The following TTC3 variants were observed in gnomAD, a reference collection of about 807,000 sequenced individuals.
TTC3 encodes E3 ubiquitin-protein ligase TTC3.
A neutral mutation model predicts 249.6 loss-of-function variants in TTC3; 180 were observed. The observed-to-expected ratio is 0.72, with a 90% CI of 0.64 to 0.82. TTC3 has a LOEUF of 0.82. Among genes scored for constraint, TTC3 ranks in the 40% least tolerant of loss-of-function variants. The pLI is 0.00. For missense variants in TTC3, 2,061 were observed against 2,398.4 expected (o/e 0.86, Z 2.94); for synonymous variants, 717 against 805.0 (o/e 0.89, Z 1.85).
intron 1 of TTC3, 67 bp downstream of exon 1, chr21:37,073,540 T>TG (rs34515202): frequency 1 from 978,218 of 978,230 alleles, 489,103 homozygotes; most frequent in Middle Eastern, 1. Flanking sequence ...CTGCATGGGT[T>TG]GGGTCCCGCG....
At chr21:37,105,264 T>G (rs1367419865) in intron 10 of TTC3, among the ~76,000 whole-genome samples, 1 of 152,166 alleles carries the variant, frequency 6.6e-6, no homozygotes, top group Admixed American at 6.5e-5. Flanking sequence ...AGGCAGCTTT[T>G]AAAGGTGTTT....
intron 35 of TTC3, among the ~76,000 whole-genome samples, chr21:37,179,697 G>T (rs1264762135): frequency 1.3e-5 from 2 of 151,796 alleles, no homozygotes; most frequent in South Asian, 4.2e-4. Context: ...TTTGAATGGG[G>T]GTCTCATTGT....
intron 1 of TTC3, among the ~76,000 whole-genome samples, chr21:37,079,146 A>G (rs2071274166): frequency 6.6e-6 from 1 of 152,070 alleles, no homozygotes; most frequent in Admixed American, 6.5e-5. Context: ...TTATATTTTT[A>G]TGAACTACTA....
chr21:37,130,800 C>CT (rs55746303), intron 16 of TTC3, among the ~76,000 whole-genome samples: 6 of 151,416 alleles, frequency 4.0e-5, no homozygotes, highest in African/African-American at 1.5e-4. Flanking sequence ...TCTTTTTCTT[C>CT]TTCCTTTGAG....
At chr21:37,203,061 A>G (rs1432093183) in exon 46 of TTC3, 1 of 152,198 alleles carries the variant, frequency 6.6e-6, no homozygotes, top group African/African-American at 2.4e-5. Flanking sequence ...AACATGCCTT[A>G]TATTTGTCCA....
chr21:37,198,537 G>T (rs548070698), intron 44 of TTC3, among the ~76,000 whole-genome samples: 2 of 152,286 alleles, frequency 1.3e-5, no homozygotes, highest in East Asian at 3.9e-4. Context: ...TAGTAACGAA[G>T]ATATAAAAGC....
At chr21:37,192,783 A>G (rs2084342043) in intron 41 of TTC3, among the ~76,000 whole-genome samples, 1 of 152,224 alleles carries the variant, frequency 6.6e-6, no homozygotes, top group Non-Finnish European at 1.5e-5. Flanking sequence ...GTATTTGCCG[A>G]ATCTTGTTAA....
intron 25 of TTC3, 134 bp downstream of exon 25, chr21:37,151,018 A>G (rs992996860): frequency 3.6e-6 from 2 of 551,966 alleles, no homozygotes; most frequent in African/African-American, 4.0e-5. Flanking sequence ...GTTTTTTAAA[A>G]TGATTTTTAT....
chr21:37,100,516 C>CAAACA (rs10665698), intron 10 of TTC3, among the ~76,000 whole-genome samples: 68,750 of 151,518 alleles, frequency 0.45, 16,056 homozygotes, highest in Non-Finnish European at 0.52. Context: ...ATGCTTCCTT[C>CAAACA]TGGTGGCAGT....
intron 11 of TTC3, among the ~76,000 whole-genome samples, chr21:37,111,145 A>G (rs1437537832): frequency 6.6e-6 from 1 of 152,216 alleles, no homozygotes; most frequent in African/African-American, 2.4e-5. Context: ...AACTGCATCA[A>G]CTAACGAGCA....
intron 40 of TTC3, 94 bp downstream of exon 40, chr21:37,191,518 T>C (rs1296555445): frequency 3.0e-6 from 2 of 669,908 alleles, no homozygotes; most frequent in African/African-American, 1.9e-5. Context: ...TTCTTTTTTA[T>C]CTATTATTAT....
At chr21:37,080,952 T>C (rs949274733) in intron 1 of TTC3, among the ~76,000 whole-genome samples, 2 of 151,642 alleles carry the variant, frequency 1.3e-5, no homozygotes, top group Admixed American at 6.7e-5. Context: ...GTTTTAGATA[T>C]TAAAAAAAAT....
intron 27 of TTC3, among the ~76,000 whole-genome samples, chr21:37,154,148 A>G (rs2079761037): frequency 1.3e-5 from 2 of 152,234 alleles, no homozygotes; most frequent in African/African-American, 2.4e-5. Flanking sequence ...CTGGATAGCA[A>G]CTGGCCTAGC....
At chr21:37,096,430 C>A in intron 9 of TTC3, 151 bp from the exon 10 acceptor site, 1 of 534,006 alleles carries the variant, frequency 1.9e-6, no homozygotes, top group Non-Finnish European at 3.3e-6. Context: ...GGGGACTTCG[C>A]CAGTTAAGAC....
Position 37,123,549 on chromosome 21 carries a change from A to T in TTC3, c.1109+521A>T, listed in dbSNP as rs2835610. Among the ~76,000 whole-genome samples, 1,261 of 152,132 alleles carry T rather than the reference A, an allele frequency of 8.3e-3. 11 individuals are homozygous for T. The highest frequency in any genetic ancestry group is 0.029 in the African/African-American group (1,201 of 41,512). ...CAATAGCAGCCAGGGTTCTACCTTT[A>T]CTTATTTGGCAATTAAAACAGATTA... On this transcript the variant is annotated intron_variant, in intron 13 of 45. Transcript: ENST00000355666.
At chr21:37,163,490 A>G (rs897378222) in intron 31 of TTC3, among the ~76,000 whole-genome samples, 3 of 152,218 alleles carry the variant, frequency 2.0e-5, no homozygotes, top group Non-Finnish European at 1.5e-5. Context: ...AGCTGGGATT[A>G]CAGCCATGCG....
At chr21:37,135,037 T>A (rs542338810) in intron 17 of TTC3, among the ~76,000 whole-genome samples, 6 of 152,232 alleles carry the variant, frequency 3.9e-5, no homozygotes, top group Admixed American at 6.5e-5. Flanking sequence ...AACTTACTTA[T>A]TTAAATGATG....
At chr21:37,097,952 A>C (rs770239176) in intron 10 of TTC3, 9 of 713,930 alleles carry the variant, frequency 1.3e-5, no homozygotes, top group Non-Finnish European at 2.1e-5. Flanking sequence ...AAAATACAAG[A>C]GTTTAAAAAG....
intron 17 of TTC3, among the ~76,000 whole-genome samples, chr21:37,134,747 A>G (rs533998565): frequency 2.0e-5 from 3 of 152,342 alleles, no homozygotes; most frequent in Non-Finnish European, 1.5e-5. Flanking sequence ...TTCAAATTAC[A>G]AAGTTTTTCT....
Sources: allele counts gnomAD v4.1 joint callset (sites outside exome capture counted in the v4.1 genomes callset), GRCh38; gene constraint gnomAD v4.1.1; transcripts MANE v1.5; gene names NCBI Gene and HGNC (gene_info 2026-07-23, HGNC 2026-07-21).